HTR2C: variants seen among roughly 807,000 people sequenced by gnomAD.
HTR2C encodes the protein 5-hydroxytryptamine (serotonin) receptor 2C, G protein-coupled.
In HTR2C, 5 loss-of-function variants were observed where a neutral mutation model predicts 21.0. The observed-to-expected ratio is 0.24, with a 90% confidence interval of 0.12 to 0.50. HTR2C has a LOEUF of 0.50. HTR2C is among the 20% of genes least tolerant of loss of function. HTR2C has a pLI of 0.98. For synonymous variants in HTR2C, 150 were observed against 145.3 expected (o/e 1.03, Z -0.23); for missense variants, 271 against 371.2 (o/e 0.73, Z 2.22).
At chrX:114,691,771 C>A (rs1197989874) in intron 2 of HTR2C, among the ~76,000 whole-genome samples, 2 of 111,283 alleles carry the variant, frequency 1.8e-5, no homozygotes, top group African/African-American at 6.5e-5. Flanking sequence ...TATATTTATA[C>A]AAATGAATAG....
intron 2 of HTR2C, among the ~76,000 whole-genome samples, chrX:114,630,313 A>T (rs1280262779): frequency 1.8e-5 from 2 of 112,264 alleles, no homozygotes; most frequent in Non-Finnish European, 3.8e-5. Flanking sequence ...ACTAAAAAAA[A>T]TTCCAACATT....
chrX:114,773,396 A>C (rs969981524), intron 4 of HTR2C, among the ~76,000 whole-genome samples: 8 of 112,420 alleles, frequency 7.1e-5, no homozygotes, highest in Non-Finnish European at 1.3e-4. Flanking sequence ...GAGTTAAAGC[A>C]AAATAGCGTA....
Position 114,629,142 on chromosome X carries a change from T to C in HTR2C, c.-80+15261T>C, listed in dbSNP as rs968381659. ...CCAACAGTTTAGAAACGGGTCTCCA[T>C]TGGAAAAACAGAAACGGGTTAATTT... On this transcript the variant is annotated intron_variant, in intron 2 of 5. Coordinates refer to ENST00000276198, the MANE Select transcript of HTR2C (RefSeq NM_000868.4). Among the ~76,000 whole-genome samples, 11 of 111,858 alleles carry C rather than the reference T, an allele frequency of 9.8e-5. No homozygotes were observed. The Admixed American group carries it at 1.0e-3, about 11-fold the overall frequency.
At chrX:114,826,389 CTA>C (rs1263933074) in intron 4 of HTR2C, among the ~76,000 whole-genome samples, 1 of 111,789 alleles carries the variant, frequency 8.9e-6, no homozygotes, top group African/African-American at 3.3e-5. Context: ...TTTTGAACAT[CTA>C]TATGGTGCCA....
rs1333777970 is a variant in HTR2C, at chrX:114,761,861, A to ATC, written c.349+30266_349+30267dup. ...CCCTCCCCCCAAAAGATTACTCTCT[A>ATC]TCTCTCTCTCTCTATATATATATAT... is the stretch of plus-strand genomic sequence containing the variant. On this transcript the variant is annotated intron_variant, in intron 4 of 5. Coordinates refer to ENST00000276198, the MANE Select transcript of HTR2C (RefSeq NM_000868.4). 7.3e-3 allele frequency among the ~76,000 whole-genome samples: 328 copies of ATC among 45,090 alleles called. 12 individuals are homozygous for ATC. Among genetic ancestry groups the ATC allele is most frequent in the African/African-American group, 0.017 (255 of 15,254 alleles). 39.2% of individuals were successfully genotyped at this position (45,090 alleles called of 115,157 possible). A position where few individuals can be genotyped will look rare whatever the true frequency, so the allele number is the denominator to read the frequency against.
intron 5 of HTR2C, among the ~76,000 whole-genome samples, chrX:114,850,014 A>G (rs1036942231): frequency 8.9e-6 from 1 of 112,024 alleles, no homozygotes; most frequent in Admixed American, 9.5e-5. Context: ...TGCACATGGA[A>G]ATTACATGCT....
At chrX:114,787,283 A>G (rs922001394) in intron 4 of HTR2C, among the ~76,000 whole-genome samples, 10 of 112,221 alleles carry the variant, frequency 8.9e-5, no homozygotes, top group African/African-American at 3.2e-4. Flanking sequence ...GTTGTAGTAC[A>G]CATTGCATCA....
intron 2 of HTR2C, among the ~76,000 whole-genome samples, chrX:114,620,727 G>A (rs1924447825): frequency 9.0e-6 from 1 of 111,559 alleles, no homozygotes; most frequent in African/African-American, 3.3e-5. Flanking sequence ...ACCCAAATTT[G>A]CATTAAATTC....
chrX:114,605,655 G>C (rs1400799050), intron 1 of HTR2C, among the ~76,000 whole-genome samples: 1 of 111,305 alleles, frequency 9.0e-6, no homozygotes, highest in East Asian at 2.8e-4. Context: ...GTATTGGGGT[G>C]AAGCGGCATT....
intron 4 of HTR2C, among the ~76,000 whole-genome samples, chrX:114,763,864 A>G (rs1271675057): frequency 7.2e-5 from 8 of 111,276 alleles, no homozygotes; most frequent in African/African-American, 2.0e-4. Context: ...TCCCAATATC[A>G]CTTTTCCCTT....
intron 2 of HTR2C, among the ~76,000 whole-genome samples, chrX:114,704,344 C>A: frequency 9.0e-6 from 1 of 111,288 alleles, no homozygotes; most frequent in Non-Finnish European, 1.9e-5. Context: ...AGCAGCACAT[C>A]AAAAAGCTTA....
chrX:114,775,722 A>G, intron 4 of HTR2C: 2 of 600,279 alleles, frequency 3.3e-6, no homozygotes, highest in Non-Finnish European at 5.3e-6. Context: ...TTTCTATTGA[A>G]GATGTCTTGG....
At chrX:114,584,990 T>A (rs1169624919) in intron 1 of HTR2C, among the ~76,000 whole-genome samples, 1 of 102,865 alleles carries the variant, frequency 9.7e-6, no homozygotes, top group African/African-American at 3.6e-5. Flanking sequence ...GGGGGTGGGG[T>A]CTCAAGAAGT....
chrX:114,899,281 T>A (rs148430946), intron 5 of HTR2C, among the ~76,000 whole-genome samples: 3,992 of 111,564 alleles, frequency 0.036, 188 homozygotes, highest in African/African-American at 0.12. Flanking sequence ...GTGGGTCTTA[T>A]CTTGTGAGAT....
chrX:114,725,770 G>A (rs1933435254), intron 2 of HTR2C, among the ~76,000 whole-genome samples: 4 of 110,506 alleles, frequency 3.6e-5, no homozygotes, highest in African/African-American at 9.9e-5. Flanking sequence ...TGGAGTACCC[G>A]GCCGTGTGAG....
At chrX:114,847,643 T>C (rs1281135461) in intron 4 of HTR2C, among the ~76,000 whole-genome samples, 1 of 109,146 alleles carries the variant, frequency 9.2e-6, no homozygotes, top group Non-Finnish European at 1.9e-5. Flanking sequence ...AGCTGGTTGA[T>C]GGGAGAATGG....
At chrX:114,627,796 A>T (rs1556403218) in intron 2 of HTR2C, among the ~76,000 whole-genome samples, 1 of 112,189 alleles carries the variant, frequency 8.9e-6, no homozygotes, top group Non-Finnish European at 1.9e-5. Flanking sequence ...AAAGCAAGCA[A>T]AAGAGAGACA....
At chrX:114,726,117 A>G (rs1397107738) in intron 2 of HTR2C, among the ~76,000 whole-genome samples, 5 of 111,942 alleles carry the variant, frequency 4.5e-5, no homozygotes, top group South Asian at 7.4e-4. Flanking sequence ...CCCCAGCCTC[A>G]CTGCCACCTT....
intron 2 of HTR2C, among the ~76,000 whole-genome samples, chrX:114,633,932 G>GTATA (rs1332332101): frequency 1.1e-5 from 1 of 89,426 alleles, no homozygotes; most frequent in African/African-American, 4.2e-5. Context: ...ATATGCATGT[G>GTATA]TATATATATA....
Sources: allele counts gnomAD v4.1 joint callset (sites outside exome capture counted in the v4.1 genomes callset), GRCh38; gene constraint gnomAD v4.1.1; transcripts MANE v1.5; gene names NCBI Gene and HGNC (gene_info 2026-07-23, HGNC 2026-07-21).